The following ABLIM3 variants were observed in gnomAD, a reference collection of about 807,000 sequenced individuals.
The protein encoded by ABLIM3 is actin binding LIM protein family member 3.
Under a neutral mutation model 109.5 loss-of-function variants are expected in ABLIM3, and 61 were observed. The ratio of observed to expected loss-of-function variants is 0.56; its 90% CI spans 0.45 to 0.69. The LOEUF (loss-of-function observed/expected upper bound fraction) is 0.69. Ranked by LOEUF, ABLIM3 falls within the 30% of genes least tolerant of loss-of-function variation. The pLI is 0.00. For synonymous variants in ABLIM3, 300 were observed against 324.8 expected, an observed-to-expected ratio of 0.92 and a Z score of 0.82; for missense variants, 796 against 889.5, an observed-to-expected ratio of 0.89 and a Z score of 1.34.
Position 149,142,074 on chromosome 5 carries a change from G to T in ABLIM3, c.-22G>T. 1 of 1,611,962 alleles carries T rather than the reference G, an allele frequency of 6.2e-7. No individual in the cohort carries two copies. Among genetic ancestry groups the T allele is most frequent in the Non-Finnish European group, 8.5e-7 (1 of 1,179,248 alleles). On this transcript the variant is annotated 5_prime_UTR_variant, in exon 2 of 24. Transcript: ENST00000309868. ...GCCGGGGCCTCCGTATTGAATGAAA[G>T]ACCCAGTGCAAAGACATCACCATGA...
At chr5:149,214,495 T>C (rs1759853866) in intron 7 of ABLIM3, among the ~76,000 whole-genome samples, 1 of 152,182 alleles carries the variant, frequency 6.6e-6, no homozygotes, top group Non-Finnish European at 1.5e-5. Flanking sequence ...GGCCACTAAT[T>C]GTGCCCACAA....
At chr5:149,216,384 G>A (rs1760088456) in intron 7 of ABLIM3, 1 of 152,312 alleles carries the variant, frequency 6.6e-6, no homozygotes, top group Admixed American at 6.5e-5. Context: ...TGCATGTGGA[G>A]GTTCCAAGCC....
intron 15 of ABLIM3, chr5:149,243,791 T>C (rs1412391733): frequency 6.6e-6 from 1 of 152,130 alleles, no homozygotes; most frequent in East Asian, 1.9e-4. Context: ...ATTTTCCAGG[T>C]GGGCCCTGAG....
Position 149,206,345 on chromosome 5 carries a change from A to G in ABLIM3, c.449-663A>G, listed in dbSNP as rs533957084. ...GGCACATGTTCGATGTGTGAAGCAC[A>G]ATGGGGAAGGGGTGGGTGTGGTAAT... On this transcript the variant is annotated intron_variant, in intron 5 of 23. Coordinates refer to ENST00000309868, the MANE Select transcript of ABLIM3 (RefSeq NM_014945.5). 5.3e-5 allele frequency among the ~76,000 whole-genome samples: 8 copies of G among 152,296 alleles called. No homozygotes were observed. In the South Asian group the frequency reaches 1.7e-3, roughly 32 times the overall value.
At chr5:149,193,378 T>C (rs181115106) in intron 3 of ABLIM3, among the ~76,000 whole-genome samples, 13 of 151,934 alleles carry the variant, frequency 8.6e-5, no homozygotes, top group African/African-American at 1.4e-4. Context: ...AGAAAAAAAG[T>C]TTAATTTAGA....
At chr5:149,191,152 T>C (rs2127486019) in intron 3 of ABLIM3, among the ~76,000 whole-genome samples, 1 of 152,198 alleles carries the variant, frequency 6.6e-6, no homozygotes, top group South Asian at 2.1e-4. Flanking sequence ...GTTGATTCTT[T>C]AAAAATACAA....
At chr5:149,235,851 G>T (rs1279030507) in intron 10 of ABLIM3, among the ~76,000 whole-genome samples, 1 of 152,168 alleles carries the variant, frequency 6.6e-6, no homozygotes, top group Non-Finnish European at 1.5e-5. Flanking sequence ...TGTGGGCAGG[G>T]TTAAGTGGAC....
At position 149,242,475 on chromosome 5, in the gene ABLIM3, C is replaced by G; in HGVS notation, c.1304-16C>G. On this transcript the variant is annotated splice_polypyrimidine_tract_variant and intron_variant, in intron 14 of 23. Coordinates refer to ENST00000309868, the MANE Select transcript of ABLIM3 (RefSeq NM_014945.5). ...TCTCTCCCCTCCCCACTGTCCCTTCCTGGTCTGTCTGGCAGCTGGAGACAG... is the reference window on the plus strand; with the variant it reads ...TCTCTCCCCTCCCCACTGTCCCTTCGTGGTCTGTCTGGCAGCTGGAGACAG... 1 of 1,613,972 alleles carries G rather than the reference C, an allele frequency of 6.2e-7. No homozygotes were observed. Among genetic ancestry groups the G allele is most frequent in the Non-Finnish European group, 8.5e-7 (1 of 1,179,870 alleles).
chr5:149,141,933 CAG>C (rs1313063387), intron 1 of ABLIM3, 74 bp from the exon 2 acceptor site: 10 of 1,028,776 alleles, frequency 9.7e-6, no homozygotes, highest in African/African-American at 6.3e-5. Flanking sequence ...ACAGCCCAGA[CAG>C]AGAGGGGACA....
At chr5:149,252,964 C>A in intron 23 of ABLIM3, 127 bp downstream of exon 23, 1 of 702,330 alleles carries the variant, frequency 1.4e-6, no homozygotes, top group Non-Finnish European at 2.4e-6. Context: ...ATTGAAAAAG[C>A]AGGGACTTGA....
At chr5:149,208,350 GTC>G (rs10564662) in intron 6 of ABLIM3, among the ~76,000 whole-genome samples, 74,611 of 131,800 alleles carry the variant, frequency 0.57, 19,622 homozygotes, top group East Asian at 0.64. Context: ...CTATCTTTTT[GTC>G]TCTCTCTCTC....
intron 14 of ABLIM3, 24 bp downstream of exon 14, chr5:149,240,798 C>T (rs1157898034): frequency 6.2e-7 from 1 of 1,601,968 alleles, no homozygotes; most frequent in Non-Finnish European, 8.6e-7. Context: ...GCCCAGAATT[C>T]CTGGGATGGA....
intron 3 of ABLIM3, among the ~76,000 whole-genome samples, chr5:149,189,489 G>C (rs1757279833): frequency 6.6e-6 from 1 of 152,098 alleles, no homozygotes; most frequent in Non-Finnish European, 1.5e-5. Context: ...GCTATGTAAA[G>C]AATTCTTACA....
chr5:149,259,090 C>A lies in ABLIM3; in HGVS notation c.*686C>A. ...TTCCTGGTAGGAAAAGGAAAAGGCCCTTCCCTTCCCTCCACCACTTCCAAC... is the reference window on the plus strand; with the variant it reads ...TTCCTGGTAGGAAAAGGAAAAGGCCATTCCCTTCCCTCCACCACTTCCAAC... On this transcript the variant is annotated 3_prime_UTR_variant, in exon 24 of 24. Coordinates refer to ENST00000309868, the MANE Select transcript of ABLIM3 (RefSeq NM_014945.5). The A allele has an allele frequency of 2.0e-6, 2 of 1,010,214 alleles. No individual in the cohort carries two copies. The highest frequency in any genetic ancestry group is 2.4e-6 in the Non-Finnish European group (2 of 844,962). The allele number at this position is 1,010,214 out of a possible 1,614,324, so 62.6% of individuals were successfully genotyped here.
intron 18 of ABLIM3, among the ~76,000 whole-genome samples, chr5:149,248,980 T>C (rs1204073515): frequency 6.6e-6 from 1 of 152,136 alleles, no homozygotes; most frequent in Non-Finnish European, 1.5e-5. Context: ...ACATTATGGA[T>C]AATAAAATGC....
chr5:149,195,882 CG>C (rs374164324), intron 3 of ABLIM3, among the ~76,000 whole-genome samples: 13 of 152,314 alleles, frequency 8.5e-5, no homozygotes, highest in African/African-American at 2.9e-4. Flanking sequence ...GGGGTGGGGT[CG>C]GGGGCCACAA....
chr5:149,250,392 G>T (rs371079149), intron 19 of ABLIM3, 55 bp from the exon 20 acceptor site: 2 of 1,580,990 alleles, frequency 1.3e-6, no homozygotes, highest in African/African-American at 2.7e-5. Flanking sequence ...TGACCTCAGG[G>T]AGAGGGACTC....
At chr5:149,168,978 C>T (rs1441493893) in intron 2 of ABLIM3, among the ~76,000 whole-genome samples, 5 of 149,190 alleles carry the variant, frequency 3.4e-5, no homozygotes, top group Non-Finnish European at 7.4e-5. Flanking sequence ...CGCTCCCCAC[C>T]CCGGTGATTC....
In ABLIM3 at chr5:149,252,745, C is replaced by T. The variant is rs1190949368; in HGVS notation, c.1858-12C>T. ...CTCACCCAAGCTGGAGACCACCCCCCTTTCTCCTTAGATCTACCCTTATGA... is the reference window on the plus strand; with the variant it reads ...CTCACCCAAGCTGGAGACCACCCCCTTTTCTCCTTAGATCTACCCTTATGA... On this transcript the variant is annotated splice_polypyrimidine_tract_variant and intron_variant, in intron 22 of 23. Transcript: ENST00000309868. 5 of 1,610,958 alleles carry T rather than the reference C, an allele frequency of 3.1e-6. No individual in the cohort carries two copies. The highest frequency in any genetic ancestry group is 4.2e-6 in the Non-Finnish European group (5 of 1,177,760).
Sources: gnomAD v4.1 joint callset for allele counts (sites outside exome capture counted in the v4.1 genomes callset) on GRCh38, gnomAD v4.1.1 for gene constraint, MANE v1.5 for transcripts, NCBI Gene and HGNC (gene_info 2026-07-23, HGNC 2026-07-21) for gene names.